The following CSMD1 variants were observed in gnomAD, a reference collection of about 807,000 sequenced individuals.
CSMD1 encodes CUB and Sushi multiple domains 1, also known as CUB and sushi domain-containing protein 1.
A neutral mutation model predicts 417.5 loss-of-function variants in CSMD1; 213 were observed. The ratio of observed to expected loss-of-function variants is 0.51; its 90% CI spans 0.46 to 0.57. The LOEUF (loss-of-function observed/expected upper bound fraction) is 0.57. CSMD1 is among the 20% of genes least tolerant of loss of function. CSMD1 has a pLI of 0.00. For synonymous variants in CSMD1, 2,862 were observed against 1,736.8 expected, an observed-to-expected ratio of 1.65 and a Z score of -16.11; for missense variants, 6,923 against 4,529.7, an observed-to-expected ratio of 1.53 and a Z score of -15.17.
intron 55 of CSMD1, among the ~76,000 whole-genome samples, chr8:2,975,009 T>C (rs1017888011): frequency 5.3e-5 from 8 of 152,242 alleles, no homozygotes; most frequent in Non-Finnish European, 8.8e-5. Flanking sequence ...ATTTCCACGA[T>C]GTTTTCAGTT....
intron 5 of CSMD1, among the ~76,000 whole-genome samples, chr8:3,961,197 T>G (rs1329820745): frequency 6.6e-6 from 1 of 152,224 alleles, no homozygotes; most frequent in Non-Finnish European, 1.5e-5. Context: ...AGCATGAAAG[T>G]CATTGTCTCA....
intron 7 of CSMD1, among the ~76,000 whole-genome samples, chr8:3,667,519 G>A (rs566929739): frequency 6.2e-4 from 95 of 152,244 alleles, no homozygotes; most frequent in African/African-American, 2.0e-3. Flanking sequence ...GGGGATGGGA[G>A]CTGTTGGGAT....
rs117417264 is a variant in CSMD1, at chr8:4,454,136, G to A, written c.303-34071C>T. The stretch of plus-strand genomic sequence containing the variant: ...TGTGCCCAGCCTGCAATTCATTCTT[G>A]ATTCCTCCTACTCTGTGAGCAGATT... On this transcript the variant is annotated intron_variant, in intron 2 of 69. Transcript: ENST00000635120. 1.6e-4 allele frequency among the ~76,000 whole-genome samples: 24 copies of A among 152,006 alleles called. 1 individual carries two copies. In the East Asian group the frequency reaches 4.5e-3, roughly 28 times the overall value.
At chr8:3,920,688 T>G (rs943162411) in intron 5 of CSMD1, among the ~76,000 whole-genome samples, 1 of 152,070 alleles carries the variant, frequency 6.6e-6, no homozygotes, top group African/African-American at 2.4e-5. Flanking sequence ...ATCAGGAAAA[T>G]AGGTTAAATT....
intron 25 of CSMD1, among the ~76,000 whole-genome samples, chr8:3,302,776 C>G (rs929957824): frequency 1.3e-5 from 2 of 152,188 alleles, no homozygotes; most frequent in South Asian, 4.1e-4. Context: ...CCTTCATGCA[C>G]TTTCTCACAG....
chr8:4,879,344 A>T (rs1301310201), intron 1 of CSMD1, among the ~76,000 whole-genome samples: 2 of 152,064 alleles, frequency 1.3e-5, no homozygotes, highest in African/African-American at 4.8e-5. Context: ...AAGTTAGGAA[A>T]GTGAGATGGG....
intron 49 of CSMD1, among the ~76,000 whole-genome samples, chr8:3,056,330 G>T (rs999251498): frequency 6.6e-6 from 1 of 152,108 alleles, no homozygotes; most frequent in African/African-American, 2.4e-5. Context: ...TCAAATAGTG[G>T]TTAACTTTGT....
intron 50 of CSMD1, among the ~76,000 whole-genome samples, chr8:3,047,513 G>C (rs1388339208): frequency 6.6e-6 from 1 of 152,168 alleles, no homozygotes; most frequent in Non-Finnish European, 1.5e-5. Context: ...GGGGTTGCGA[G>C]TACACAGCTC....
intron 42 of CSMD1, among the ~76,000 whole-genome samples, chr8:3,114,145 G>C (rs953817780): frequency 1.3e-5 from 2 of 152,178 alleles, no homozygotes; most frequent in African/African-American, 4.8e-5. Context: ...TTGGGAGGCT[G>C]AAGTAGGAGG....
chr8:2,957,846 G>T (rs751725286), intron 62 of CSMD1, 39 bp from the exon 63 acceptor site: 3 of 1,373,978 alleles, frequency 2.2e-6, no homozygotes, highest in Non-Finnish European at 3.1e-6. Context: ...GAGGCCAAGG[G>T]AATATACGAA....
chr8:4,182,663 G>T (rs899847548), intron 3 of CSMD1, among the ~76,000 whole-genome samples: 2 of 152,032 alleles, frequency 1.3e-5, no homozygotes, highest in Non-Finnish European at 2.9e-5. Flanking sequence ...CCTAAAAATA[G>T]ATTCACAAAT....
At chr8:3,594,657 T>G (rs1584936221) in intron 8 of CSMD1, among the ~76,000 whole-genome samples, 1 of 152,148 alleles carries the variant, frequency 6.6e-6, no homozygotes, top group African/African-American at 2.4e-5. Context: ...CCACCTCACC[T>G]CCCTTCTCTC....
intron 10 of CSMD1, among the ~76,000 whole-genome samples, chr8:3,533,866 C>G (rs548979875): frequency 1.3e-5 from 2 of 152,174 alleles, no homozygotes; most frequent in Admixed American, 6.5e-5. Context: ...CTGTAGGTAT[C>G]TACAATCGAA....
intron 5 of CSMD1, among the ~76,000 whole-genome samples, chr8:3,891,562 A>C (rs1385004680): frequency 6.6e-6 from 1 of 152,092 alleles, no homozygotes; most frequent in African/African-American, 2.4e-5. Flanking sequence ...GTACACCTGT[A>C]GTCTCAACTA....
At chr8:3,416,168 G>T (rs10101236) in intron 12 of CSMD1, among the ~76,000 whole-genome samples, 1 of 39,674 alleles carries the variant, frequency 2.5e-5, no homozygotes. Flanking sequence ...GGGCGTGTTG[G>T]GGGGCGCCTG....
chr8:4,795,098 G>C lies in CSMD1; in HGVS notation c.86-157540C>G, dbSNP rs569805229. Among the ~76,000 whole-genome samples, 4 of 151,994 alleles carry C rather than the reference G, an allele frequency of 2.6e-5. No homozygotes were observed. The East Asian group carries it at 5.8e-4, about 22-fold the overall frequency. On this transcript the variant is annotated intron_variant, in intron 1 of 69. Transcript: ENST00000635120. The stretch of plus-strand genomic sequence containing the variant: ...ATGGAAGGTAATAGTGAAGAATCAG[G>C]TGGAATAGATACAGCAAAAAATAAC...
chr8:4,788,463 A>C, intron 1 of CSMD1: 2 of 1,335,888 alleles, frequency 1.5e-6, no homozygotes, highest in Non-Finnish European at 2.2e-6. Context: ...GGATCAGCTC[A>C]ATTTACTGCT....
At chr8:3,932,609 A>T (rs1239737437) in intron 5 of CSMD1, among the ~76,000 whole-genome samples, 1 of 150,568 alleles carries the variant, frequency 6.6e-6, no homozygotes, top group Admixed American at 6.6e-5. Context: ...AAACAGTATC[A>T]TATTTCACCA....
chr8:3,965,379 G>A (rs940773741), intron 5 of CSMD1, among the ~76,000 whole-genome samples: 4 of 152,140 alleles, frequency 2.6e-5, no homozygotes, highest in South Asian at 2.1e-4. Context: ...GTGAACAAGC[G>A]TTCTACAAAT....
Sources: allele counts gnomAD v4.1 joint callset (sites outside exome capture counted in the v4.1 genomes callset), GRCh38; gene constraint gnomAD v4.1.1; transcripts MANE v1.5; gene names NCBI Gene and HGNC (gene_info 2026-07-23, HGNC 2026-07-21).